COLGALT2: variants seen among roughly 807,000 people sequenced by gnomAD.
The protein encoded by COLGALT2 is procollagen galactosyltransferase 2.
A neutral mutation model predicts 73.4 loss-of-function variants in COLGALT2; 49 were observed. The observed-to-expected ratio is 0.67, with a 90% CI of 0.53 to 0.85. The LOEUF (loss-of-function observed/expected upper bound fraction) is 0.85. Ranked by LOEUF, COLGALT2 falls within the 40% of genes least tolerant of loss-of-function variation. The probability of loss-of-function intolerance (pLI) is 0.00; values close to 1 mark genes in which losing one functional copy is unlikely to be tolerated. For synonymous variants in COLGALT2, 295 were observed against 307.6 expected (o/e 0.96, Z 0.43); for missense variants, 722 against 790.2 (o/e 0.91, Z 1.03).
At chr1:184,033,996 G>A (rs972299226) in intron 1 of COLGALT2, among the ~76,000 whole-genome samples, 12 of 152,178 alleles carry the variant, frequency 7.9e-5, no homozygotes, top group African/African-American at 2.7e-4. Flanking sequence ...TAATCAGTTT[G>A]GCATCTTGGA....
At position 183,972,724 on chromosome 1, in the gene COLGALT2, G is replaced by A. The variant is rs10911475; in HGVS notation, c.627+892C>T. ...TTTTTTTTTTTTCTTTTTTGAGAGG[G>A]AGTCTCGCTCTGTCACCCAGGCTGG... On this transcript the variant is annotated intron_variant, in intron 4 of 11. Transcript: ENST00000361927. Among the ~76,000 whole-genome samples, 23 of 151,182 alleles carry A rather than the reference G, an allele frequency of 1.5e-4. No individual in the cohort carries two copies. In the South Asian group the frequency reaches 4.8e-3, roughly 32 times the overall value.
At chr1:183,935,442 A>T (rs1213793063), downstream of COLGALT2, among the ~76,000 whole-genome samples, 1 of 152,092 alleles carries the variant, frequency 6.6e-6, no homozygotes, top group African/African-American at 2.4e-5. Context: ...ATCAACAAGG[A>T]TTTTCTTTTT....
In COLGALT2 at chr1:183,936,197, A is replaced by G. The variant is rs1669948635; in HGVS notation, c.*2564T>C. On this transcript the variant is annotated 3_prime_UTR_variant, in exon 12 of 12. Coordinates refer to ENST00000361927, the MANE Select transcript of COLGALT2 (RefSeq NM_015101.4). ...AAGGCCTCTATACTGACGCCCTCACATGACACTGCAAAGGTCAAATGTCAA... is the reference window on the plus strand; with the variant it reads ...AAGGCCTCTATACTGACGCCCTCACGTGACACTGCAAAGGTCAAATGTCAA... The G allele has an allele frequency of 1.0e-6, 1 of 985,542 alleles. No homozygotes were observed. The highest frequency in any genetic ancestry group is 1.7e-5 in the African/African-American group (1 of 57,368). 61.0% of individuals were successfully genotyped at this position (985,542 alleles called of 1,614,324 possible).
rs1222236878 is a variant in COLGALT2, at chr1:183,944,239, G to T, written c.1354C>A (p.Leu452Met). 2 of 1,613,936 alleles carry T rather than the reference G, an allele frequency of 1.2e-6. No individual in the cohort carries two copies. Among genetic ancestry groups the T allele is most frequent in the Non-Finnish European group, 1.7e-6 (2 of 1,179,962 alleles). Residue 452 changes from leucine to methionine, a missense_variant, in exon 10 of 12, where the codon CTG (leucine) becomes ATG (methionine). Transcript: ENST00000361927. ...EHQFKKKLMK[L>M]MDNIDQAQLD... Reference sequence around the variant, plus strand: ...TGAGCCTGGTCAATGTTATCCATCAGCTTCATCAGCTTCTTCTTAAACTGA... The same window carrying T: ...TGAGCCTGGTCAATGTTATCCATCATCTTCATCAGCTTCTTCTTAAACTGA...
chr1:183,972,674 AAG>A (rs1019531031), intron 4 of COLGALT2, among the ~76,000 whole-genome samples: 2 of 151,934 alleles, frequency 1.3e-5, no homozygotes, highest in African/African-American at 4.8e-5. Context: ...ACATACATCG[AAG>A]GTCATTGAAA....
At chr1:183,970,989 T>C (rs1232889268) in intron 4 of COLGALT2, among the ~76,000 whole-genome samples, 1 of 152,130 alleles carries the variant, frequency 6.6e-6, no homozygotes, top group East Asian at 1.9e-4. Flanking sequence ...GGAACAATAT[T>C]CCCAGAATGA....
chr1:183,981,885 T>A (rs1671361388), intron 1 of COLGALT2, among the ~76,000 whole-genome samples: 1 of 152,186 alleles, frequency 6.6e-6, no homozygotes, highest in Non-Finnish European at 1.5e-5. Context: ...TACATTTCTG[T>A]AAAATACCAA....
At chr1:184,014,382 G>A (rs1234339319) in intron 1 of COLGALT2, among the ~76,000 whole-genome samples, 1 of 152,210 alleles carries the variant, frequency 6.6e-6, no homozygotes, top group African/African-American at 2.4e-5. Flanking sequence ...AAAGGGGACT[G>A]AAGAGAAAGT....
intron 1 of COLGALT2, among the ~76,000 whole-genome samples, chr1:184,028,888 C>T (rs1428721863): frequency 1.3e-5 from 2 of 152,136 alleles, no homozygotes; most frequent in African/African-American, 4.8e-5. Flanking sequence ...TCAGTTAAAC[C>T]AACAAGTCAG....
At chr1:183,945,650 A>G in intron 8 of COLGALT2, 86 bp from the exon 9 acceptor site, 2 of 1,476,872 alleles carry the variant, frequency 1.4e-6, no homozygotes, top group Non-Finnish European at 1.9e-6. Context: ...AGTTCTGCAA[A>G]CACCCCTCCC....
intron 4 of COLGALT2, among the ~76,000 whole-genome samples, chr1:183,970,999 A>T (rs552922656): frequency 6.6e-6 from 1 of 152,266 alleles, no homozygotes; most frequent in South Asian, 2.1e-4. Flanking sequence ...TCCCAGAATG[A>T]TTAGCTTGGA....
intron 1 of COLGALT2, 94 bp downstream of exon 1, chr1:184,037,001 C>T: frequency 9.1e-7 from 1 of 1,100,620 alleles, no homozygotes; most frequent in Non-Finnish European, 1.2e-6. Context: ...TCCAGCGGCT[C>T]CCTCGCCCTG....
At chr1:183,954,627 C>A in intron 7 of COLGALT2, 135 bp downstream of exon 7, 1 of 544,490 alleles carries the variant, frequency 1.8e-6, no homozygotes, top group East Asian at 3.1e-5. Flanking sequence ...GTAGTTTTCC[C>A]AAGACCTCAG....
chr1:183,959,199 A>G (rs533336442), intron 6 of COLGALT2, among the ~76,000 whole-genome samples: 10 of 152,172 alleles, frequency 6.6e-5, no homozygotes, highest in African/African-American at 2.4e-4. Context: ...TTCCCCAGGG[A>G]TCTGTCCTCT....
At chr1:183,930,569 C>CTTTTTTTTTTTTTTTGTTT (rs1669823249) in intron 11 of COLGALT2, among the ~76,000 whole-genome samples, 1 of 114,066 alleles carries the variant, frequency 8.8e-6, no homozygotes, top group Admixed American at 9.9e-5. Context: ...TTTTCTTTTT[C>CTTTTTTTTTTTTTTTGTTT]TTTTTTTTTT....
chr1:183,998,435 T>G (rs1671826863), intron 1 of COLGALT2, among the ~76,000 whole-genome samples: 1 of 152,234 alleles, frequency 6.6e-6, no homozygotes, highest in African/African-American at 2.4e-5. Context: ...TCAATACTAT[T>G]CCTCTGTTGG....
At position 183,963,998 on chromosome 1, in the gene COLGALT2, G is replaced by C; in HGVS notation, c.855C>G (p.Asn285Lys). Residue 285 changes from asparagine to lysine, a missense_variant, in exon 6 of 12, where the codon AAC (asparagine) becomes AAG (lysine). Physicochemically the swap from Asn to Lys is moderately conservative, Grantham distance 94. Coordinates refer to ENST00000361927, the MANE Select transcript of COLGALT2 (RefSeq NM_015101.4). The stretch of plus-strand genomic sequence containing the variant: ...TGGGCAGGTAGCCATAGTGCTCTCT[G>C]TTGCAGAGGTACATCTGGATGCCTG... Reference protein sequence around the residue: ...RQAGIQMYLCNREHYGYLPIP... With the variant: ...RQAGIQMYLCKREHYGYLPIP... 1 of 1,613,406 alleles carries C rather than the reference G, an allele frequency of 6.2e-7. No homozygotes were observed. Among genetic ancestry groups the C allele is most frequent in the Non-Finnish European group, 8.5e-7 (1 of 1,179,646 alleles).
chr1:183,939,627 G>A (rs1032704800), intron 11 of COLGALT2, among the ~76,000 whole-genome samples: 1 of 152,164 alleles, frequency 6.6e-6, no homozygotes, highest in Non-Finnish European at 1.5e-5. Flanking sequence ...GTTTCTGCTA[G>A]GACACAGAGA....
chr1:183,994,801 A>G (rs1424113277), intron 1 of COLGALT2, among the ~76,000 whole-genome samples: 1 of 152,190 alleles, frequency 6.6e-6, no homozygotes, highest in African/African-American at 2.4e-5. Context: ...GAATGAAGAG[A>G]TTTCTTTTTG....
Sources: allele counts gnomAD v4.1 joint callset (sites outside exome capture counted in the v4.1 genomes callset), GRCh38; gene constraint gnomAD v4.1.1; transcripts MANE v1.5; gene names NCBI Gene and HGNC (gene_info 2026-07-23, HGNC 2026-07-21).